Variants in TRIM24 observed in about 807,000 individuals in gnomAD.
TRIM24 encodes the protein transcription intermediary factor 1-alpha.
In TRIM24, 29 loss-of-function variants were observed where a neutral mutation model predicts 123.9. The ratio of observed to expected loss-of-function variants is 0.23; its 90% confidence interval spans 0.17 to 0.32. The LOEUF is 0.32. TRIM24 is among the 10% of genes least tolerant of loss of function. The probability of loss-of-function intolerance (pLI) is 1.00; values close to 1 mark genes in which losing one functional copy is unlikely to be tolerated. For missense variants in TRIM24, 932 were observed against 1,295.3 expected, an observed-to-expected ratio of 0.72 and a Z score of 4.31; for synonymous variants, 456 against 461.1, an observed-to-expected ratio of 0.99 and a Z score of 0.14.
intron 2 of TRIM24, among the ~76,000 whole-genome samples, chr7:138,506,490 C>CAAATATACAAAAATACAAA: frequency 6.6e-6 from 1 of 152,114 alleles, no homozygotes. Flanking sequence ...CTAAAAAATA[C>CAAATATACAAAAATACAAA]AGTAGCATAA....
intron 6 of TRIM24, among the ~76,000 whole-genome samples, chr7:138,531,885 T>C (rs961080447): frequency 6.6e-6 from 1 of 152,158 alleles, no homozygotes; most frequent in African/African-American, 2.4e-5. Flanking sequence ...ACCTGTTGTT[T>C]CCTGACTTTT....
intron 13 of TRIM24, 61 bp from the exon 14 acceptor site, chr7:138,577,359 T>C: frequency 1.5e-6 from 2 of 1,340,968 alleles, no homozygotes; most frequent in Non-Finnish European, 9.9e-7. Flanking sequence ...TTGTTATACT[T>C]TTTATGAGGT....
intron 5 of TRIM24, among the ~76,000 whole-genome samples, chr7:138,526,187 G>C (rs1425423565): frequency 1.3e-5 from 2 of 152,150 alleles, no homozygotes; most frequent in Non-Finnish European, 2.9e-5. Context: ...AATTGTGTCA[G>C]ACTTTAAGGC....
intron 1 of TRIM24, among the ~76,000 whole-genome samples, chr7:138,470,276 G>A (rs186516835): frequency 3.4e-4 from 51 of 152,014 alleles, no homozygotes; most frequent in Admixed American, 7.2e-4. Context: ...GAGCATAGGC[G>A]TGTGCCACCA....
intron 3 of TRIM24, among the ~76,000 whole-genome samples, chr7:138,518,922 T>G (rs1335488178): frequency 3.3e-5 from 5 of 152,230 alleles, no homozygotes; most frequent in African/African-American, 1.2e-4. Context: ...AAACATATTT[T>G]TAACTACACA....
intron 9 of TRIM24, among the ~76,000 whole-genome samples, chr7:138,555,530 T>C (rs1270105206): frequency 6.6e-6 from 1 of 150,986 alleles, no homozygotes; most frequent in African/African-American, 2.4e-5. Context: ...TCACTCAGGC[T>C]GGAGTGCAAT....
In TRIM24 at chr7:138,480,965, CT is replaced by C. The variant is rs1054965746; in HGVS notation, c.364+20062del. Among the ~76,000 whole-genome samples, 3 of 150,686 alleles carry C rather than the reference CT, an allele frequency of 2.0e-5. 1 individual carries two copies. Among genetic ancestry groups the C allele is most frequent in the African/African-American group, 4.9e-5 (2 of 41,070 alleles). ...TTTTCTTTTTGTTGGGTTATTTAAA[CT>C]TTTTTTTTCATTTTTTAAAAAGTTA... On this transcript the variant is annotated intron_variant, in intron 1 of 18. Transcript: ENST00000343526.
At chr7:138,515,007 A>G (rs575335426) in intron 2 of TRIM24, among the ~76,000 whole-genome samples, 4 of 152,304 alleles carry the variant, frequency 2.6e-5, no homozygotes, top group African/African-American at 9.6e-5. Context: ...TTAAGGAGAA[A>G]ATATACTTAT....
At chr7:138,537,386 T>TTTG (rs1554440767) in intron 6 of TRIM24, among the ~76,000 whole-genome samples, 2 of 124,738 alleles carry the variant, frequency 1.6e-5, no homozygotes, top group African/African-American at 6.3e-5. Flanking sequence ...TTTGTTTTTT[T>TTTG]TTTTTTTTTT....
At chr7:138,499,589 T>C (rs1305995331) in intron 1 of TRIM24, among the ~76,000 whole-genome samples, 3 of 152,100 alleles carry the variant, frequency 2.0e-5, no homozygotes, top group Admixed American at 6.5e-5. Flanking sequence ...GGCTAAAGCA[T>C]TGGAGGACAT....
rs1165956888 is a variant in TRIM24 at position 138,587,744 on chromosome 7, C to A, written c.*2793C>A. ...CAGACCACGTAGGAGCTAGGATTTA[C>A]TCAGTTCCACCTCACTGACAGCTTT... On this transcript the variant is annotated 3_prime_UTR_variant, in exon 19 of 19. Coordinates refer to ENST00000343526, the MANE Select transcript of TRIM24 (RefSeq NM_015905.3). 6.6e-6 allele frequency: 1 copy of A among 152,210 alleles called. No homozygotes were observed. Among genetic ancestry groups the A allele is most frequent in the African/African-American group, 2.4e-5 (1 of 41,446 alleles). 9.4% of individuals were successfully genotyped at this position (152,210 alleles called of 1,614,324 possible).
chr7:138,526,639 T>TTCAA (rs1245234247), intron 5 of TRIM24, among the ~76,000 whole-genome samples: 1 of 152,136 alleles, frequency 6.6e-6, no homozygotes, highest in African/African-American at 2.4e-5. Flanking sequence ...CTTGAACTAG[T>TTCAA]GACCTCAGGT....
At position 138,581,679 on chromosome 7, in the gene TRIM24, TTATTTA is replaced by T; in HGVS notation, c.2719-16_2719-11del. On this transcript the variant is annotated splice_polypyrimidine_tract_variant and intron_variant, in intron 16 of 18. Transcript: ENST00000343526. ...GTTTTATAATATTTTATCTCAGTTT[TTATTTA>T]TTTTTGCTTAGAAGTGTGAGCGCCT... 1 of 1,592,198 alleles carries T rather than the reference TTATTTA, an allele frequency of 6.3e-7. No individual in the cohort carries two copies. Among genetic ancestry groups the T allele is most frequent in the South Asian group, 1.1e-5 (1 of 88,892 alleles).
At chr7:138,486,436 C>G (rs2116488661) in intron 1 of TRIM24, among the ~76,000 whole-genome samples, 1 of 152,230 alleles carries the variant, frequency 6.6e-6, no homozygotes, top group South Asian at 2.1e-4. Flanking sequence ...AATGGTATTG[C>G]CTAGGTTTTC....
intron 1 of TRIM24, chr7:138,491,253 G>A (rs1386200802): frequency 4.2e-6 from 1 of 238,804 alleles, no homozygotes; most frequent in Non-Finnish European, 8.5e-6. Context: ...ATATTTCTTG[G>A]ACATAGCAGG....
At chr7:138,520,361 C>T (rs541331174) in intron 4 of TRIM24, among the ~76,000 whole-genome samples, 2 of 152,290 alleles carry the variant, frequency 1.3e-5, no homozygotes, top group Admixed American at 1.3e-4. Flanking sequence ...ATCGCTGGCT[C>T]CTCAAGTTTC....
At chr7:138,518,237 A>G (rs895185679) in intron 3 of TRIM24, among the ~76,000 whole-genome samples, 48 of 152,166 alleles carry the variant, frequency 3.2e-4, no homozygotes, top group Non-Finnish European at 1.0e-4. Flanking sequence ...AAAATCTTTA[A>G]AAGACAATAT....
chr7:138,571,782 G>T (rs1797662104), intron 11 of TRIM24, among the ~76,000 whole-genome samples: 1 of 152,040 alleles, frequency 6.6e-6, no homozygotes, highest in African/African-American at 2.4e-5. Flanking sequence ...TGTTACCCAG[G>T]CTGGTCTTGA....
chr7:138,500,616 G>A (rs1796016966), intron 1 of TRIM24, among the ~76,000 whole-genome samples: 1 of 149,558 alleles, frequency 6.7e-6, no homozygotes, highest in African/African-American at 2.5e-5. Flanking sequence ...GCTTATGCCT[G>A]TAATCACAGC....
Sources: gnomAD v4.1 joint callset for allele counts (sites outside exome capture counted in the v4.1 genomes callset) on GRCh38, gnomAD v4.1.1 for gene constraint, MANE v1.5 for transcripts, NCBI Gene and HGNC (gene_info 2026-07-23, HGNC 2026-07-21) for gene names.